ESR1: variants seen among roughly 807,000 people sequenced by gnomAD.
ESR1 encodes estrogen receptor 1.
A neutral mutation model predicts 52.7 loss-of-function variants in ESR1; 12 were observed. The observed-to-expected ratio is 0.23, with a 90% CI of 0.15 to 0.37. ESR1 has a LOEUF of 0.37. Among genes scored for constraint, ESR1 ranks in the 10% least tolerant of loss-of-function variants. ESR1 has a pLI of 1.00. For synonymous variants in ESR1, 305 were observed against 316.8 expected (o/e 0.96, Z 0.39); for missense variants, 584 against 779.7 (o/e 0.75, Z 2.99).
intron 5 of ESR1, among the ~76,000 whole-genome samples, chr6:152,027,869 T>G (rs1049816348): frequency 6.6e-6 from 1 of 152,046 alleles, no homozygotes; most frequent in Non-Finnish European, 1.5e-5. Context: ...TGGGGGCGGG[T>G]GCGGTGGCTC....
intron 4 of ESR1, among the ~76,000 whole-genome samples, chr6:151,978,440 A>G (rs2039671482): frequency 6.6e-6 from 1 of 152,184 alleles, no homozygotes; most frequent in South Asian, 2.1e-4. Flanking sequence ...AAGAGGAAGA[A>G]AAAACACAAA....
At chr6:151,904,728 C>T (rs1288608949) in intron 3 of ESR1, among the ~76,000 whole-genome samples, 1 of 152,078 alleles carries the variant, frequency 6.6e-6, no homozygotes, top group Non-Finnish European at 1.5e-5. Context: ...GTTATGTTTA[C>T]TCTAGGGCTG....
chr6:151,715,826 C>T lies in ESR1; in HGVS notation c.-71+13821C>T, dbSNP rs572609755. Among the ~76,000 whole-genome samples the T allele has an allele frequency of 5.3e-5, 8 of 152,196 alleles. No individual in the cohort carries two copies. In the South Asian group the frequency reaches 1.7e-3, roughly 32 times the overall value. ...TTTGTTATTACTCACCTTCTGAAGCCGGCTTCTGTCAATTCATCAAACTCA... is the reference window on the plus strand; with the variant it reads ...TTTGTTATTACTCACCTTCTGAAGCTGGCTTCTGTCAATTCATCAAACTCA... On this transcript the variant is annotated intron_variant, in intron 2 of 2. Coordinates refer to the ESR1 transcript ENST00000404742.
At chr6:151,900,684 G>T (rs1295668002) in intron 3 of ESR1, among the ~76,000 whole-genome samples, 2 of 152,132 alleles carry the variant, frequency 1.3e-5, no homozygotes, top group East Asian at 3.9e-4. Context: ...GGCTTCCTGG[G>T]AACCGACCTG....
At chr6:152,023,556 CTTA>C (rs2043867475) in intron 5 of ESR1, among the ~76,000 whole-genome samples, 1 of 152,108 alleles carries the variant, frequency 6.6e-6, no homozygotes, top group Non-Finnish European at 1.5e-5. Flanking sequence ...ACCAAATAAA[CTTA>C]TAATAATTCT....
intron 2 of ESR1, among the ~76,000 whole-genome samples, chr6:151,843,226 T>C (rs1384854253): frequency 6.6e-6 from 1 of 152,248 alleles, no homozygotes; most frequent in Non-Finnish European, 1.5e-5. Context: ...GCAAATATTC[T>C]GTTTTGTTCT....
At chr6:151,699,149 G>T (rs1779589038) in intron 1 of ESR1, among the ~76,000 whole-genome samples, 1 of 152,096 alleles carries the variant, frequency 6.6e-6, no homozygotes, top group Admixed American at 6.5e-5. Flanking sequence ...TCGACATTTG[G>T]ATTCTGTCCA....
chr6:151,742,754 G>A (rs1413364434), intron 2 of ESR1, among the ~76,000 whole-genome samples: 1 of 152,194 alleles, frequency 6.6e-6, no homozygotes, highest in Non-Finnish European at 1.5e-5. Context: ...GTGACAGTGT[G>A]TGTTTTATTC....
intron 3 of ESR1, among the ~76,000 whole-genome samples, chr6:151,886,436 A>G (rs1793861345): frequency 6.6e-6 from 1 of 152,166 alleles, no homozygotes; most frequent in Non-Finnish European, 1.5e-5. Flanking sequence ...ACTAGTCTTT[A>G]TTTATTTTAA....
intron 5 of ESR1, among the ~76,000 whole-genome samples, chr6:152,027,840 A>G (rs527956716): frequency 6.6e-5 from 10 of 152,138 alleles, no homozygotes; most frequent in Non-Finnish European, 1.5e-4. Flanking sequence ...CTCTTGATTT[A>G]TAGTTTTAAA....
At chr6:151,880,910 C>T (rs1164321186) in intron 3 of ESR1, 139 bp downstream of exon 3, 1 of 643,526 alleles carries the variant, frequency 1.6e-6, no homozygotes, top group Non-Finnish European at 2.8e-6. Context: ...TTTTTCTTTG[C>T]AACAAAAGTA....
chr6:151,869,044 A>G lies in ESR1; in HGVS notation c.644-11611A>G, dbSNP rs373512862. Among the ~76,000 whole-genome samples, 24 of 152,254 alleles carry G rather than the reference A, an allele frequency of 1.6e-4. No homozygotes were observed. In the South Asian group the frequency reaches 4.6e-3, roughly 29 times the overall value. ...TGGCCCAGAAATTGGAAGATGGAAA[A>G]TGGACTTATTTATGAGTCTGGGAAG... On this transcript the variant is annotated intron_variant, in intron 2 of 7. Coordinates refer to ENST00000206249, the MANE Select transcript of ESR1 (RefSeq NM_000125.4).
chr6:152,120,294 GGAA>G (rs2051282009), intron 6 of ESR1, among the ~76,000 whole-genome samples: 1 of 152,184 alleles, frequency 6.6e-6, no homozygotes, highest in African/African-American at 2.4e-5. Flanking sequence ...GGAAAGTGAG[GGAA>G]GAGCGAGGCC....
chr6:151,808,606 C>T (rs1280386249), intron 1 of ESR1, among the ~76,000 whole-genome samples: 1 of 152,140 alleles, frequency 6.6e-6, no homozygotes, highest in Non-Finnish European at 1.5e-5. Flanking sequence ...ACCCACTTAC[C>T]GTCCGTGCGA....
At chr6:151,931,805 G>C (rs1355216997) in intron 3 of ESR1, among the ~76,000 whole-genome samples, 5 of 145,718 alleles carry the variant, frequency 3.4e-5, no homozygotes, top group African/African-American at 1.3e-4. Context: ...TGGCTGCATA[G>C]TATTCCGTGG....
chr6:152,045,869 A>T (rs976685306), intron 5 of ESR1, among the ~76,000 whole-genome samples: 4 of 152,210 alleles, frequency 2.6e-5, no homozygotes, highest in Non-Finnish European at 5.9e-5. Flanking sequence ...TTCTTGTGGA[A>T]GTTAGTAAGT....
intron 2 of ESR1, among the ~76,000 whole-genome samples, chr6:151,860,099 C>G (rs1326377812): frequency 1.3e-5 from 2 of 152,084 alleles, no homozygotes; most frequent in Admixed American, 6.6e-5. Flanking sequence ...CCACTTTTAC[C>G]TCTTCTTTCT....
intron 1 of ESR1, chr6:151,811,396 C>A (rs1778815192): frequency 1.3e-5 from 2 of 152,094 alleles, no homozygotes; most frequent in Non-Finnish European, 2.9e-5. Context: ...ATCAACTATC[C>A]TTTTTAAAGT....
intron 4 of ESR1, among the ~76,000 whole-genome samples, chr6:151,956,457 A>G (rs996193535): frequency 2.6e-5 from 4 of 152,180 alleles, no homozygotes; most frequent in African/African-American, 9.6e-5. Context: ...TTACTAATTT[A>G]TCTGTTGCAG....
Sources: gnomAD v4.1 joint callset for allele counts (sites outside exome capture counted in the v4.1 genomes callset) on GRCh38, gnomAD v4.1.1 for gene constraint, MANE v1.5 for transcripts, NCBI Gene and HGNC (gene_info 2026-07-23, HGNC 2026-07-21) for gene names.